Variants in DGKB observed in about 807,000 individuals in gnomAD.
DGKB encodes diacylglycerol kinase beta, also known as 90 kDa diacylglycerol kinase.
A neutral mutation model predicts 114.3 loss-of-function variants in DGKB; 67 were observed. The ratio of observed to expected loss-of-function variants is 0.59; its 90% CI spans 0.48 to 0.72. The LOEUF (loss-of-function observed/expected upper bound fraction) is 0.72. Ranked by LOEUF, DGKB falls within the 30% of genes least tolerant of loss-of-function variation. DGKB has a pLI of 0.00. For missense variants in DGKB, 907 were observed against 975.2 expected (o/e 0.93, Z 0.93); for synonymous variants, 398 against 323.1 (o/e 1.23, Z -2.49).
At chr7:14,181,075 C>G (rs1782569294) in intron 23 of DGKB, among the ~76,000 whole-genome samples, 1 of 152,088 alleles carries the variant, frequency 6.6e-6, no homozygotes, top group African/African-American at 2.4e-5. Context: ...AAATAAAGTA[C>G]TATAACATCT....
At chr7:14,809,730 T>G (rs569946487) in intron 2 of DGKB, among the ~76,000 whole-genome samples, 1 of 152,280 alleles carries the variant, frequency 6.6e-6, no homozygotes, top group South Asian at 2.1e-4. Flanking sequence ...GCCAATGGTG[T>G]AGCAGTGGCT....
intron 23 of DGKB, among the ~76,000 whole-genome samples, chr7:14,322,630 G>T (rs540443957): frequency 2.6e-4 from 40 of 152,174 alleles, no homozygotes; most frequent in South Asian, 1.9e-3. Flanking sequence ...ATAAAATTAA[G>T]ACATTCTGAT....
chr7:14,429,602 T>C (rs1828112729), intron 21 of DGKB, among the ~76,000 whole-genome samples: 1 of 152,138 alleles, frequency 6.6e-6, no homozygotes, highest in Non-Finnish European at 1.5e-5. Context: ...CTGCGCCCTT[T>C]CCACTTTATA....
chr7:14,500,959 T>C (rs561992001), intron 20 of DGKB, among the ~76,000 whole-genome samples: 9 of 152,020 alleles, frequency 5.9e-5, no homozygotes, highest in African/African-American at 2.2e-4. Context: ...TCTAGCTGCA[T>C]ATAATAATAA....
chr7:14,854,059 C>T (rs1469869944), intron 1 of DGKB, among the ~76,000 whole-genome samples: 1 of 152,092 alleles, frequency 6.6e-6, no homozygotes, highest in Non-Finnish European at 1.5e-5. Context: ...GTAAGATCAA[C>T]ATACTGTTTC....
At chr7:14,777,486 C>G (rs1203849280) in intron 2 of DGKB, among the ~76,000 whole-genome samples, 1 of 152,088 alleles carries the variant, frequency 6.6e-6, no homozygotes, top group Admixed American at 6.6e-5. Flanking sequence ...TGGCAGGTAC[C>G]TCCATGCTGT....
intron 1 of DGKB, among the ~76,000 whole-genome samples, chr7:14,855,397 T>C (rs1026703319): frequency 1.3e-5 from 2 of 152,194 alleles, no homozygotes; most frequent in Admixed American, 1.3e-4. Context: ...AAATATGTGC[T>C]ACATATAACA....
chr7:14,209,322 T>C, intron 23 of DGKB: 1 of 288,338 alleles, frequency 3.5e-6, no homozygotes, highest in Non-Finnish European at 6.9e-6. Flanking sequence ...TTGAAATTCC[T>C]TTTCATAGAG....
intron 1 of DGKB, among the ~76,000 whole-genome samples, chr7:14,914,689 T>C (rs1426395561): frequency 6.6e-6 from 1 of 152,034 alleles, no homozygotes; most frequent in Non-Finnish European, 1.5e-5. Flanking sequence ...ATGACACAGA[T>C]TTTTAAAATT....
chr7:14,210,896 ACACC>A (rs1787660852), intron 23 of DGKB, among the ~76,000 whole-genome samples: 1 of 152,068 alleles, frequency 6.6e-6, no homozygotes, highest in Admixed American at 6.6e-5. Context: ...CCTGCTTTAT[ACACC>A]CACATTTCCC....
intron 21 of DGKB, 48 bp downstream of exon 21, chr7:14,478,113 C>A: frequency 7.4e-7 from 1 of 1,356,148 alleles, no homozygotes; most frequent in South Asian, 1.3e-5. Context: ...CTTTTTATGG[C>A]AAAATTCAGC....
In DGKB at chr7:14,637,172, C is replaced by A. The variant is rs1304861224; in HGVS notation, c.1135-6904G>T. 2.6e-5 allele frequency among the ~76,000 whole-genome samples: 4 copies of A among 151,900 alleles called. No homozygotes were observed. The South Asian group carries it at 8.3e-4, about 31-fold the overall frequency. On this transcript the variant is annotated intron_variant, in intron 13 of 25. Transcript: ENST00000402815. Reference sequence around the variant, plus strand: ...TAAATAACCCGTGTACAAAGGAATACTCAGCATTAGTCAGAAACAATGCCA... The same window carrying A: ...TAAATAACCCGTGTACAAAGGAATAATCAGCATTAGTCAGAAACAATGCCA...
At chr7:14,774,013 C>T (rs1837795840) in intron 2 of DGKB, among the ~76,000 whole-genome samples, 1 of 151,974 alleles carries the variant, frequency 6.6e-6, no homozygotes, top group Non-Finnish European at 1.5e-5. Context: ...CAGCCAGCTG[C>T]CTTGGTTTTT....
chr7:14,734,020 C>T (rs1342280958), intron 5 of DGKB, among the ~76,000 whole-genome samples: 2 of 148,184 alleles, frequency 1.3e-5, no homozygotes, highest in Non-Finnish European at 3.0e-5. Flanking sequence ...TATACCAACA[C>T]GTGTGTGTGT....
intron 23 of DGKB, among the ~76,000 whole-genome samples, chr7:14,194,986 A>G (rs1784818141): frequency 6.6e-6 from 1 of 152,198 alleles, no homozygotes; most frequent in Non-Finnish European, 1.5e-5. Context: ...AACGCAACCA[A>G]ATAAATAAGT....
intron 20 of DGKB, among the ~76,000 whole-genome samples, chr7:14,529,943 A>G (rs535130929): frequency 1.2e-4 from 18 of 151,908 alleles, no homozygotes; most frequent in African/African-American, 4.3e-4. Flanking sequence ...TGCTATAAGT[A>G]GTAACTTATA....
At chr7:14,964,349 A>C (rs2115281890) in intron 1 of DGKB, among the ~76,000 whole-genome samples, 1 of 152,276 alleles carries the variant, frequency 6.6e-6, no homozygotes, top group Middle Eastern at 3.4e-3. Flanking sequence ...TACAAAAAAT[A>C]TAAAAATTAG....
chr7:14,215,034 G>A (rs1425247425), intron 23 of DGKB, among the ~76,000 whole-genome samples: 1 of 152,136 alleles, frequency 6.6e-6, no homozygotes, highest in Non-Finnish European at 1.5e-5. Context: ...CTGAAATAGA[G>A]GAGCTGATCT....
At chr7:14,942,214 T>G (rs1404140227) in intron 1 of DGKB, among the ~76,000 whole-genome samples, 6 of 152,068 alleles carry the variant, frequency 3.9e-5, no homozygotes, top group Admixed American at 2.6e-4. Flanking sequence ...AATGGTAATC[T>G]GACTATTGCT....
Sources: gnomAD v4.1 joint callset for allele counts (sites outside exome capture counted in the v4.1 genomes callset) on GRCh38, gnomAD v4.1.1 for gene constraint, MANE v1.5 for transcripts, NCBI Gene and HGNC (gene_info 2026-07-23, HGNC 2026-07-21) for gene names.